The following IL2RB variants were observed in gnomAD, a reference collection of about 807,000 sequenced individuals.
The protein encoded by IL2RB is interleukin 2 receptor subunit beta.
In IL2RB, 17 loss-of-function variants were observed where a neutral mutation model predicts 44.2. The ratio of observed to expected loss-of-function variants is 0.38; its 90% confidence interval spans 0.26 to 0.58. The LOEUF is 0.58. Ranked by LOEUF, IL2RB falls within the 20% of genes least tolerant of loss-of-function variation. IL2RB has a pLI of 0.63. For missense variants in IL2RB, 624 were observed against 685.5 expected (o/e 0.91, Z 1.00); for synonymous variants, 286 against 297.9 (o/e 0.96, Z 0.41).
At chr22:37,168,450 G>C (rs898360439) in intron 1 of IL2RB, among the ~76,000 whole-genome samples, 2 of 152,208 alleles carry the variant, frequency 1.3e-5, no homozygotes, top group Non-Finnish European at 2.9e-5. Context: ...ATTGTGCAAA[G>C]GCAGTGAGGG....
rs543241970 is a variant in IL2RB at position 37,128,055 on chromosome 22, G to C, written c.*41C>G. The C allele has an allele frequency of 2.0e-6, 3 of 1,463,940 alleles. No homozygotes were observed. The highest frequency in any genetic ancestry group is 3.0e-5 in the South Asian group (2 of 67,768). The allele number at this position is 1,463,940 out of a possible 1,614,324, so 90.7% of individuals were successfully genotyped here. On this transcript the variant is annotated 3_prime_UTR_variant, in exon 10 of 10. Transcript: ENST00000216223. This position sits in a 1 kb window ranked among gnomAD's most constrained non-coding sequence, Gnocchi z 4.5. ...CAACAGGGTCCTTCTGAGGCTCGGC[G>C]CAGAGCAGGCAGCTGCCTGCCTCCC...
intron 1 of IL2RB, among the ~76,000 whole-genome samples, chr22:37,170,918 T>C (rs945766531): frequency 1.3e-5 from 2 of 152,162 alleles, no homozygotes; most frequent in African/African-American, 4.8e-5. Flanking sequence ...TGCCAGCCTG[T>C]GGAACTTCCG....
intron 1 of IL2RB, among the ~76,000 whole-genome samples, chr22:37,146,709 C>T (rs1922243148): frequency 6.6e-6 from 1 of 152,156 alleles, no homozygotes; most frequent in South Asian, 2.1e-4. Context: ...GGGGCTGGCC[C>T]ACCAGCACAC....
rs753273353 is a variant in IL2RB, at chr22:37,128,669, G to A, written c.1083C>T (p.Asn361=). 6.2e-7 allele frequency: 1 copy of A among 1,614,182 alleles called. No individual in the cohort carries two copies. Among genetic ancestry groups the A allele is most frequent in the South Asian group, 1.1e-5 (1 of 91,090 alleles). Residue 361 remains asparagine, a synonymous_variant, in exon 10 of 10, where the codon AAC becomes AAT. Coordinates refer to ENST00000216223, the MANE Select transcript of IL2RB (RefSeq NM_000878.5). The surrounding 1 kb of genome is among the most constrained non-coding windows in gnomAD (Gnocchi z 4.5). The part of the protein sequence containing the change: ...SNHSLTSCFT[N]QGYFFFHLPD... ...GGAGGTGGAAGAAGAAGTAACCCTG[G>A]TTGGTGAAGCAGCTGGTCAGCGAGT...
chr22:37,131,974 T>A (rs1200455633), intron 9 of IL2RB, among the ~76,000 whole-genome samples: 2 of 152,172 alleles, frequency 1.3e-5, no homozygotes. Flanking sequence ...GACCTCGTGA[T>A]CTACCTGCCA....
At chr22:37,143,447 G>A (rs547467224) in intron 3 of IL2RB, 74 bp downstream of exon 3, 23 of 980,294 alleles carry the variant, frequency 2.3e-5, no homozygotes, top group African/African-American at 2.1e-4. Flanking sequence ...TTGACTCCTT[G>A]GAGTCCAGTG....
At chr22:37,138,830 G>A (rs548738341) in intron 5 of IL2RB, among the ~76,000 whole-genome samples, 9 of 152,340 alleles carry the variant, frequency 5.9e-5, no homozygotes, top group Non-Finnish European at 1.3e-4. Context: ...GGGCTCAGAG[G>A]CAGGGATAGG....
chr22:37,153,692 C>T (rs1159016587), upstream of IL2RB, among the ~76,000 whole-genome samples: 1 of 152,138 alleles, frequency 6.6e-6, no homozygotes, highest in Non-Finnish European at 1.5e-5. Flanking sequence ...TTAGGAACGC[C>T]GGTTGTCTCA....
intron 1 of IL2RB, among the ~76,000 whole-genome samples, chr22:37,174,288 G>A (rs1229475895): frequency 6.6e-6 from 1 of 152,166 alleles, no homozygotes; most frequent in Non-Finnish European, 1.5e-5. Flanking sequence ...TGAAAGCCTT[G>A]CCACTGAATG....
upstream of IL2RB, among the ~76,000 whole-genome samples, chr22:37,150,861 A>G (rs1922462452): frequency 6.6e-6 from 1 of 152,236 alleles, no homozygotes; most frequent in South Asian, 2.1e-4. Context: ...TTCACTTAAC[A>G]TAATGACCTC....
chr22:37,138,217 G>A (rs1383752201), intron 5 of IL2RB, among the ~76,000 whole-genome samples: 1 of 152,204 alleles, frequency 6.6e-6, no homozygotes, highest in Non-Finnish European at 1.5e-5. Flanking sequence ...TAAGTGTGAT[G>A]ATTATAACAC....
At chr22:37,163,403 C>G (rs1324974088) in intron 1 of IL2RB, among the ~76,000 whole-genome samples, 1 of 152,242 alleles carries the variant, frequency 6.6e-6, no homozygotes, top group African/African-American at 2.4e-5. Flanking sequence ...TCAACCAAGA[C>G]TTCACCAAAT....
At chr22:37,164,446 G>A (rs1922996490) in intron 1 of IL2RB, among the ~76,000 whole-genome samples, 2 of 141,800 alleles carry the variant, frequency 1.4e-5, no homozygotes, top group Admixed American at 1.4e-4. Context: ...GTTCCTGCAT[G>A]AAGCAGTGTG....
intron 9 of IL2RB, among the ~76,000 whole-genome samples, chr22:37,130,324 C>T (rs907217150): frequency 3.9e-5 from 6 of 152,234 alleles, no homozygotes; most frequent in Non-Finnish European, 7.3e-5. Flanking sequence ...CAGGGACCCA[C>T]TGCCTGTGGC....
At chr22:37,170,605 G>A (rs1923249200) in intron 1 of IL2RB, among the ~76,000 whole-genome samples, 1 of 152,184 alleles carries the variant, frequency 6.6e-6, no homozygotes, top group Non-Finnish European at 1.5e-5. Context: ...GAGTCGACTT[G>A]CCCCTTCTGG....
chr22:37,129,141 A>G (rs1336168575), intron 9 of IL2RB, among the ~76,000 whole-genome samples: 1 of 152,196 alleles, frequency 6.6e-6, no homozygotes, highest in Non-Finnish European at 1.5e-5. Context: ...GTGACTGTTT[A>G]TTGGACACCT....
chr22:37,150,003 C>T (rs965068814), upstream of IL2RB: 2 of 752,784 alleles, frequency 2.7e-6, no homozygotes, highest in Admixed American at 6.3e-5. Context: ...GGTGGAGAGG[C>T]GGGGAGACGA....
intron 1 of IL2RB, among the ~76,000 whole-genome samples, chr22:37,157,278 C>T (rs550350074): frequency 5.3e-4 from 81 of 152,270 alleles, no homozygotes; most frequent in African/African-American, 1.8e-3. Flanking sequence ...ACCCACCAGT[C>T]CCCAAGACAG....
intron 1 of IL2RB, among the ~76,000 whole-genome samples, chr22:37,172,363 G>A (rs28633390): frequency 0.07 from 10,695 of 152,188 alleles, 1,276 homozygotes; most frequent in African/African-American, 0.24. Context: ...TAATGCACTC[G>A]GCTCCATCAG....
Sources: gnomAD v4.1 joint callset for allele counts (sites outside exome capture counted in the v4.1 genomes callset) on GRCh38, gnomAD v4.1.1 for gene constraint, Gnocchi (gnomAD v3.1) non-coding constraint, MANE v1.5 for transcripts, NCBI Gene and HGNC (gene_info 2026-07-23, HGNC 2026-07-21) for gene names.